The following NBAS variants were observed in gnomAD, a reference collection of about 807,000 sequenced individuals.
The protein encoded by NBAS is NBAS subunit of NRZ tethering complex, also known as NAG/BC035112 fusion.
Under a neutral mutation model 302.5 loss-of-function variants are expected in NBAS, and 219 were observed. The ratio of observed to expected loss-of-function variants is 0.72; its 90% CI spans 0.65 to 0.81. The LOEUF is 0.81. NBAS is among the 30% of genes least tolerant of loss of function. The probability of loss-of-function intolerance (pLI) is 0.00; values close to 1 mark genes in which losing one functional copy is unlikely to be tolerated. For missense variants in NBAS, 2,932 were observed against 2,841.6 expected, an observed-to-expected ratio of 1.03 and a Z score of -0.72; for synonymous variants, 1,118 against 1,021.6, an observed-to-expected ratio of 1.09 and a Z score of -1.80.
In NBAS at chr2:15,534,767, A is replaced by G. The variant is rs1203721337; in HGVS notation, c.648-126T>C. On this transcript the variant is annotated intron_variant, in intron 8 of 51. Transcript: ENST00000281513. The stretch of plus-strand genomic sequence containing the variant: ...CAAATATTGCTGAGGATATAAAACA[A>G]CCAGAACTCGAATACGTCACAATGA... 3.9e-6 allele frequency: 3 copies of G among 769,538 alleles called. No individual in the cohort carries two copies. The African/African-American group carries it at 5.1e-5, about 13-fold the overall frequency. The allele number at this position is 769,538 out of a possible 1,614,324, so 47.7% of individuals were successfully genotyped here.
intron 11 of NBAS, among the ~76,000 whole-genome samples, chr2:15,494,685 G>C (rs1681000449): frequency 6.6e-6 from 1 of 152,130 alleles, no homozygotes; most frequent in Non-Finnish European, 1.5e-5. Flanking sequence ...GAATACAAGA[G>C]CTGAAATAAG....
the NBAS span, among the ~76,000 whole-genome samples, chr2:15,147,896 A>G: frequency 0.54 from 81,635 of 151,640 alleles, 23,733 homozygotes; most frequent in East Asian, 0.78. Flanking sequence ...AAGAAAACTC[A>G]GCAGACTTCA....
At chr2:15,225,405 A>G (rs1225074431) in intron 47 of NBAS, among the ~76,000 whole-genome samples, 2 of 152,186 alleles carry the variant, frequency 1.3e-5, no homozygotes, top group Non-Finnish European at 2.9e-5. Flanking sequence ...GGCCTCATGC[A>G]CTGCAGGTGC....
chr2:14,942,661 C>T, the NBAS span, among the ~76,000 whole-genome samples: 2 of 152,206 alleles, frequency 1.3e-5, no homozygotes, highest in Admixed American at 1.3e-4. Context: ...AACTCCCACT[C>T]CCTGTGGGGA....
chr2:14,842,246 TAAAC>T, the NBAS span, among the ~76,000 whole-genome samples: 3 of 151,704 alleles, frequency 2.0e-5, no homozygotes, highest in East Asian at 3.9e-4. Context: ...AGACTTCAAA[TAAAC>T]AACCTCATGA....
chr2:14,868,526 A>G, the NBAS span, among the ~76,000 whole-genome samples: 3 of 152,166 alleles, frequency 2.0e-5, no homozygotes, highest in Admixed American at 2.0e-4. Flanking sequence ...CCTTCTCACT[A>G]AAGTTACTTT....
intron 9 of NBAS, among the ~76,000 whole-genome samples, chr2:15,522,838 C>G (rs1348566297): frequency 6.6e-6 from 1 of 152,132 alleles, no homozygotes; most frequent in Non-Finnish European, 1.5e-5. Context: ...TTATTGATAA[C>G]AAAAACAGTC....
intron 21 of NBAS, among the ~76,000 whole-genome samples, chr2:15,436,023 T>C (rs1677995796): frequency 6.6e-6 from 1 of 152,140 alleles, no homozygotes; most frequent in South Asian, 2.1e-4. Flanking sequence ...AAGGTATATA[T>C]CACAATTATA....
At chr2:15,253,900 A>G (rs1404502854) in intron 44 of NBAS, among the ~76,000 whole-genome samples, 1 of 152,128 alleles carries the variant, frequency 6.6e-6, no homozygotes, top group Non-Finnish European at 1.5e-5. Context: ...TTTAGCCTTC[A>G]AGCTGTCAGA....
At chr2:15,015,241 A>G in the NBAS span, among the ~76,000 whole-genome samples, 12 of 152,098 alleles carry the variant, frequency 7.9e-5, no homozygotes, top group Middle Eastern at 3.4e-3. Context: ...TTCTCAAACT[A>G]TTCCAAAAAA....
At chr2:15,257,104 G>A (rs1668633398) in intron 44 of NBAS, among the ~76,000 whole-genome samples, 1 of 152,102 alleles carries the variant, frequency 6.6e-6, no homozygotes, top group Admixed American at 6.5e-5. Context: ...CTATCTTTTG[G>A]AATAGTTTCA....
the NBAS span, among the ~76,000 whole-genome samples, chr2:15,070,293 C>T: frequency 6.6e-6 from 1 of 152,124 alleles, no homozygotes; most frequent in Non-Finnish European, 1.5e-5. Flanking sequence ...TGAGGATAGA[C>T]CACAGCTCTT....
In NBAS at chr2:15,176,120, T is replaced by C. The variant is rs558315067; in HGVS notation, c.6840+2868A>G. 1.9e-3 allele frequency among the ~76,000 whole-genome samples: 295 copies of C among 152,310 alleles called. 1 individual carries two copies. Among genetic ancestry groups the C allele is most frequent in the African/African-American group, 6.7e-3 (278 of 41,566 alleles). ...AGCAACAAAAAGAAAGCAAAAGTTT[T>C]CTATTTTTCATTGCAATACCAAGGA... On this transcript the variant is annotated intron_variant, in intron 51 of 51. Transcript: ENST00000281513.
intron 12 of NBAS, among the ~76,000 whole-genome samples, chr2:15,483,099 T>TA (rs1166153546): frequency 1.3e-5 from 2 of 152,244 alleles, no homozygotes; most frequent in African/African-American, 4.8e-5. Flanking sequence ...TAATTGTTTT[T>TA]ACCACTAAAA....
chr2:15,424,684 T>TA (rs756261063), intron 22 of NBAS, among the ~76,000 whole-genome samples: 1 of 152,130 alleles, frequency 6.6e-6, no homozygotes, highest in Non-Finnish European at 1.5e-5. Flanking sequence ...TTTCCCGATT[T>TA]AAAAAATCAG....
the NBAS span, among the ~76,000 whole-genome samples, chr2:15,133,327 G>C: frequency 6.6e-5 from 10 of 152,178 alleles, no homozygotes; most frequent in South Asian, 2.1e-4. Context: ...TAGCGGGGGG[G>C]GGGCAGGGAA....
At chr2:15,275,848 T>A (rs368389319) in intron 43 of NBAS, 30 bp from the exon 44 acceptor site, 1 of 1,586,272 alleles carries the variant, frequency 6.3e-7, no homozygotes, top group East Asian at 2.2e-5. Flanking sequence ...AGTAGGTAAG[T>A]GGTTCATTCC....
chr2:14,973,574 T>C, the NBAS span, among the ~76,000 whole-genome samples: 27 of 152,298 alleles, frequency 1.8e-4, no homozygotes, highest in African/African-American at 6.3e-4. Context: ...ACAAGCTTCA[T>C]TGACACACAC....
At chr2:14,987,184 C>T in the NBAS span, among the ~76,000 whole-genome samples, 2 of 151,882 alleles carry the variant, frequency 1.3e-5, no homozygotes, top group African/African-American at 4.8e-5. Context: ...CAATATGTTA[C>T]CAAGAAGGAA....
Sources: allele counts gnomAD v4.1 joint callset (sites outside exome capture counted in the v4.1 genomes callset), GRCh38; gene constraint gnomAD v4.1.1; transcripts MANE v1.5; gene names NCBI Gene and HGNC (gene_info 2026-07-23, HGNC 2026-07-21).